Variants in PCF11 observed in about 807,000 individuals in gnomAD.
PCF11 encodes the protein PCF11 cleavage and polyadenylation factor subunit, also known as pre-mRNA cleavage complex 2 protein Pcf11.
Under a neutral mutation model 166.1 loss-of-function variants are expected in PCF11, and 19 were observed. The observed-to-expected ratio is 0.11, with a 90% CI of 0.08 to 0.17. The LOEUF is 0.17. PCF11 is among the 10% of genes least tolerant of loss of function. The probability of loss-of-function intolerance (pLI) is 1.00; values close to 1 mark genes in which losing one functional copy is unlikely to be tolerated. For missense variants in PCF11, 1,565 were observed against 1,855.5 expected (o/e 0.84, Z 2.88); for synonymous variants, 663 against 644.1 (o/e 1.03, Z -0.44).
At chr11:83,169,255 A>G (rs1359153279) in exon 8 of PCF11, 1 of 1,613,184 alleles carries the variant, frequency 6.2e-7, no homozygotes, top group Non-Finnish European at 8.5e-7. Flanking sequence ...GGGACAACAT[A>G]ATCAACTTGG....
chr11:83,179,534 G>A (rs1196037426), intron 11 of PCF11, among the ~76,000 whole-genome samples: 2 of 152,044 alleles, frequency 1.3e-5, no homozygotes, highest in South Asian at 2.1e-4. Context: ...ACAGGTTTGA[G>A]CCACCTATTT....
At chr11:83,159,494 C>G (rs189333421) in intron 1 of PCF11, among the ~76,000 whole-genome samples, 2 of 152,044 alleles carry the variant, frequency 1.3e-5, no homozygotes, top group Admixed American at 1.3e-4. Flanking sequence ...CTTCGAGAAC[C>G]GAAAACTAAA....
At position 83,184,576 on chromosome 11, in the gene PCF11, A is replaced by ATG. The variant is rs546777113; in HGVS notation, c.4453-97_4453-96dup. 1.3e-3 allele frequency: 1,001 copies of ATG among 744,000 alleles called. 6 individuals carry two copies. Among genetic ancestry groups the ATG allele is most frequent in the South Asian group, 8.7e-3 (525 of 60,252 alleles). The allele number at this position is 744,000 out of a possible 1,614,324, so 46.1% of individuals were successfully genotyped here. On this transcript the variant is annotated intron_variant, in intron 15 of 15. Coordinates refer to ENST00000298281, the Ensembl canonical transcript of PCF11. ...AGGTGTTTCATTTGCATTTGGTTGTATGTGTGTTCTCTTGTTCATACAAGG... is the reference window on the plus strand; with the variant it reads ...AGGTGTTTCATTTGCATTTGGTTGTATGTGTGTGTTCTCTTGTTCATACAAGG...
chr11:83,181,967 A>C, exon 13 of PCF11: 1 of 1,612,598 alleles, frequency 6.2e-7, no homozygotes, highest in Non-Finnish European at 8.5e-7. Context: ...CTAAAGAAAA[A>C]GAGTTCCAAA....
intron 1 of PCF11, 48 bp from the exon 2 acceptor site, chr11:83,161,279 T>C: frequency 6.8e-7 from 1 of 1,472,158 alleles, no homozygotes; most frequent in African/African-American, 1.4e-5. Flanking sequence ...TAAATAATTA[T>C]TTGGTGGTAA....
chr11:83,166,472 A>C (rs768777809), exon 5 of PCF11: 7 of 1,613,906 alleles, frequency 4.3e-6, no homozygotes, highest in African/African-American at 1.3e-5. Context: ...GCCAATCTGG[A>C]GCTAAGCAGT....
At chr11:83,170,891 G>C (rs17144717) in intron 8 of PCF11, among the ~76,000 whole-genome samples, 3,051 of 152,138 alleles carry the variant, frequency 0.02, 100 homozygotes, top group African/African-American at 0.07. Context: ...ATCTCTAATG[G>C]TACGAAAAAA....
At chr11:83,159,854 G>A (rs2135413718) in intron 1 of PCF11, among the ~76,000 whole-genome samples, 1 of 152,244 alleles carries the variant, frequency 6.6e-6, no homozygotes, top group South Asian at 2.1e-4. Flanking sequence ...GAGCAGTAGC[G>A]AAAAATAATA....
At chr11:83,164,054 A>G (rs1408284520) in intron 3 of PCF11, among the ~76,000 whole-genome samples, 153 bp from the exon 4 acceptor site, 4 of 151,958 alleles carry the variant, frequency 2.6e-5, no homozygotes, top group Non-Finnish European at 5.9e-5. Context: ...TTGTTTAGGT[A>G]TTATGTAACA....
At chr11:83,187,012 GA>G in exon 16 of PCF11, 1 of 152,622 alleles carries the variant, frequency 6.6e-6, no homozygotes, top group Non-Finnish European at 1.5e-5. Flanking sequence ...AAGAAAATGG[GA>G]AAACCAGCAA....
intron 9 of PCF11, among the ~76,000 whole-genome samples, chr11:83,175,623 C>T (rs1337346190): frequency 1.3e-5 from 2 of 152,112 alleles, no homozygotes; most frequent in African/African-American, 2.4e-5. Context: ...GGTGTGGTGG[C>T]ACGCACCTGT....
At chr11:83,180,880 T>C in intron 11 of PCF11, 128 bp from the exon 12 acceptor site, 1 of 536,974 alleles carries the variant, frequency 1.9e-6, no homozygotes, top group Non-Finnish European at 3.3e-6. Context: ...TCTTTGGGTA[T>C]TAACTGTTTC....
chr11:83,167,089 AC>A lies in PCF11; in HGVS notation c.1818-35del. Reference sequence around the variant, plus strand: ...ATGGTCCTGAGTATTTTTTAAAAAAACATTTCAATGTAACATACTGCTTTTA... The same window carrying A: ...ATGGTCCTGAGTATTTTTTAAAAAAAATTTCAATGTAACATACTGCTTTTA... On this transcript the variant is annotated intron_variant, in intron 5 of 15. Transcript: ENST00000298281. The surrounding 1 kb of genome is among the most constrained non-coding windows in gnomAD (Gnocchi z 4.2). 1 of 1,518,464 alleles carries A rather than the reference AC, an allele frequency of 6.6e-7. No individual in the cohort carries two copies. Among genetic ancestry groups the A allele is most frequent in the Non-Finnish European group, 9.0e-7 (1 of 1,116,888 alleles). The allele number at this position is 1,518,464 out of a possible 1,614,324, so 94.1% of individuals were successfully genotyped here.
chr11:83,170,412 TAAG>T (rs767119652), intron 8 of PCF11, among the ~76,000 whole-genome samples: 2 of 152,222 alleles, frequency 1.3e-5, no homozygotes, highest in Non-Finnish European at 2.9e-5. Flanking sequence ...CTGAGTTAAA[TAAG>T]AAGATCAAAT....
At chr11:83,176,813 G>A (rs549042810) in intron 9 of PCF11, among the ~76,000 whole-genome samples, 4 of 151,458 alleles carry the variant, frequency 2.6e-5, no homozygotes, top group Admixed American at 6.6e-5. Context: ...TTGTGCACAT[G>A]TACCCTAGAA....
In PCF11 at chr11:83,164,093, G is replaced by A. The variant is rs547469001; in HGVS notation, c.508-114G>A. On this transcript the variant is annotated intron_variant, in intron 3 of 15. Transcript: ENST00000298281. ...ATTTTGGGTTTTAAATTTCTGATAAGTTTTCTGTGTGATAGGAATTTGGAT... is the reference window on the plus strand; with the variant it reads ...ATTTTGGGTTTTAAATTTCTGATAAATTTTCTGTGTGATAGGAATTTGGAT... The A allele has an allele frequency of 3.6e-5, 25 of 701,536 alleles. 1 individual carries two copies. In the South Asian group the frequency reaches 5.5e-4, roughly 15 times the overall value. The allele number at this position is 701,536 out of a possible 1,614,324, so 43.5% of individuals were successfully genotyped here.
At position 83,173,448 on chromosome 11, in the gene PCF11, C is replaced by G. The variant is rs548374035; in HGVS notation, c.3757+1534C>G. ...TAGGCCTGGTGACAGAGTGAGACTCCGTCTCAGAAAAAAAACCAAAAACCA... is the reference window on the plus strand; with the variant it reads ...TAGGCCTGGTGACAGAGTGAGACTCGGTCTCAGAAAAAAAACCAAAAACCA... On this transcript the variant is annotated intron_variant, in intron 9 of 15. Coordinates refer to ENST00000298281, the Ensembl canonical transcript of PCF11. Among the ~76,000 whole-genome samples the G allele has an allele frequency of 2.7e-5, 4 of 149,290 alleles. No homozygotes were observed. The South Asian group carries it at 8.5e-4, about 32-fold the overall frequency.
chr11:83,161,716 T>G (rs956001317), intron 2 of PCF11, among the ~76,000 whole-genome samples: 2 of 152,228 alleles, frequency 1.3e-5, no homozygotes, highest in African/African-American at 4.8e-5. Context: ...ATTGAGTGTG[T>G]TCATTTGAAC....
At chr11:83,184,567 T>A (rs1861205333) in intron 15 of PCF11, 112 bp from the exon 16 acceptor site, 1 of 701,250 alleles carries the variant, frequency 1.4e-6, no homozygotes, top group African/African-American at 1.8e-5. Context: ...TTCATTTGCA[T>A]TTGGTTGTAT....
Sources: allele counts gnomAD v4.1 joint callset (sites outside exome capture counted in the v4.1 genomes callset), GRCh38; gene constraint gnomAD v4.1.1; non-coding constraint Gnocchi (gnomAD v3.1); transcripts MANE v1.5; gene names NCBI Gene and HGNC (gene_info 2026-07-23, HGNC 2026-07-21).